The following DCAF7 variants were observed in gnomAD, a reference collection of about 807,000 sequenced individuals.
DCAF7 encodes DDB1 and CUL4 associated factor 7.
DCAF7 carries 4 observed loss-of-function variants against 41.2 expected under a neutral mutation model. That is an observed-to-expected ratio of 0.10 (90% confidence interval 0.05 to 0.22). DCAF7 has a LOEUF of 0.22. Among genes scored for constraint, DCAF7 ranks in the 10% least tolerant of loss-of-function variants. The pLI is 1.00. For synonymous variants in DCAF7, 143 were observed against 164.2 expected (o/e 0.87, Z 0.99); for missense variants, 131 against 443.2 (o/e 0.30, Z 6.32).
chr17:63,570,234 G>A (rs2033491002), intron 1 of DCAF7, among the ~76,000 whole-genome samples: 1 of 151,878 alleles, frequency 6.6e-6, no homozygotes. Context: ...CAGGCAGATT[G>A]CTTGAGCTCA....
chr17:63,564,580 G>A (rs1481439752), intron 1 of DCAF7, among the ~76,000 whole-genome samples: 1 of 152,192 alleles, frequency 6.6e-6, no homozygotes, highest in Non-Finnish European at 1.5e-5. Context: ...TCTGACTCAA[G>A]GACAGACCCA....
intron 2 of DCAF7, 44 bp from the exon 3 acceptor site, chr17:63,579,293 A>G (rs1173819373): frequency 3.0e-6 from 4 of 1,332,614 alleles, no homozygotes; most frequent in Non-Finnish European, 4.2e-6. Context: ...ACTTTTTATG[A>G]GGATAAGACT....
At chr17:63,566,934 A>G (rs1347380161) in intron 1 of DCAF7, among the ~76,000 whole-genome samples, 1 of 152,064 alleles carries the variant, frequency 6.6e-6, no homozygotes, top group African/African-American at 2.4e-5. Context: ...TGCAGAATAC[A>G]TTTTATGATG....
At chr17:63,569,411 G>A (rs1201314450) in intron 1 of DCAF7, among the ~76,000 whole-genome samples, 1 of 149,626 alleles carries the variant, frequency 6.7e-6, no homozygotes, top group Admixed American at 6.7e-5. Flanking sequence ...CTCATGCCCA[G>A]ACCTAGTAAA....
At chr17:63,578,679 G>A (rs933448562) in intron 2 of DCAF7, 51 bp downstream of exon 2, 17 of 1,610,862 alleles carry the variant, frequency 1.1e-5, no homozygotes, top group Non-Finnish European at 1.3e-5. Context: ...CTCAGCCTCA[G>A]CTGTTAGCAG....
chr17:63,588,878 G>A, intron 6 of DCAF7, 122 bp from the exon 7 acceptor site: 1 of 1,053,572 alleles, frequency 9.5e-7, no homozygotes, highest in African/African-American at 1.6e-5. Flanking sequence ...TAAAATGGGG[G>A]CTTAAAATAG....
At chr17:63,578,188 C>T (rs2033582780) in intron 1 of DCAF7, among the ~76,000 whole-genome samples, 1 of 151,954 alleles carries the variant, frequency 6.6e-6, no homozygotes, top group Admixed American at 6.6e-5. Context: ...ACATGTGAGG[C>T]CTTGTCTCTA....
intron 6 of DCAF7, 98 bp downstream of exon 6, chr17:63,585,426 C>T: frequency 9.0e-7 from 1 of 1,112,614 alleles, no homozygotes; most frequent in Non-Finnish European, 1.3e-6. Context: ...TAAGCACAGT[C>T]TTGAGAGATT....
intron 1 of DCAF7, among the ~76,000 whole-genome samples, chr17:63,568,060 G>A (rs1315895876): frequency 6.6e-6 from 1 of 152,000 alleles, no homozygotes; most frequent in African/African-American, 2.4e-5. Context: ...TCGCTCTGTT[G>A]CCCAGGCTGG....
At position 63,592,522 on chromosome 17, in the gene DCAF7, A is replaced by C. The variant is rs2033745661; in HGVS notation, c.*3350A>C. ...AAATTCAGAATCCTACAAGGTTTTGATGACAATTAGGGCCAAAATTTTAGG... is the reference window on the plus strand; with the variant it reads ...AAATTCAGAATCCTACAAGGTTTTGCTGACAATTAGGGCCAAAATTTTAGG... On this transcript the variant is annotated 3_prime_UTR_variant, in exon 7 of 7. Coordinates refer to ENST00000614556, the MANE Select transcript of DCAF7 (RefSeq NM_005828.5). 6.6e-6 allele frequency: 1 copy of C among 152,228 alleles called. No homozygotes were observed. Among genetic ancestry groups the C allele is most frequent in the African/African-American group, 2.4e-5 (1 of 41,456 alleles). The allele number at this position is 152,228 out of a possible 1,614,324, so 9.4% of individuals were successfully genotyped here.
chr17:63,578,767 G>A, intron 2 of DCAF7, 139 bp downstream of exon 2: 1 of 1,216,760 alleles, frequency 8.2e-7, no homozygotes, highest in Non-Finnish European at 1.2e-6. Context: ...AAGCTTAAAT[G>A]GACTGGCCTC....
At chr17:63,557,939 CAGGCTGGGTGCAG>C (rs1292593381) in intron 1 of DCAF7, among the ~76,000 whole-genome samples, 1 of 152,140 alleles carries the variant, frequency 6.6e-6, no homozygotes, top group Non-Finnish European at 1.5e-5. Context: ...CTCTGTTGCC[CAGGCTGGGTGCAG>C]AGGCATGATC....
chr17:63,559,457 A>ATATATT (rs1295241971), intron 1 of DCAF7, among the ~76,000 whole-genome samples: 17 of 137,608 alleles, frequency 1.2e-4, no homozygotes, highest in African/African-American at 4.7e-4. Flanking sequence ...ATATATATAT[A>ATATATT]TTTTTAATAA....
At chr17:63,583,338 T>C (rs1034096756) in intron 4 of DCAF7, among the ~76,000 whole-genome samples, 164 bp from the exon 5 acceptor site, 2 of 152,208 alleles carry the variant, frequency 1.3e-5, no homozygotes, top group African/African-American at 4.8e-5. Context: ...GCCACTGATA[T>C]TAGAGCTCTC....
chr17:63,561,196 C>G (rs1465135868), intron 1 of DCAF7, among the ~76,000 whole-genome samples: 1 of 151,990 alleles, frequency 6.6e-6, no homozygotes, highest in Non-Finnish European at 1.5e-5. Flanking sequence ...ACCCGGGAGG[C>G]GGAGGTTGCA....
chr17:63,579,218 A>T, intron 2 of DCAF7, 119 bp from the exon 3 acceptor site: 1 of 663,132 alleles, frequency 1.5e-6, no homozygotes, highest in Non-Finnish European at 2.6e-6. Flanking sequence ...TGTTTTTGAT[A>T]AAAATGTTTT....
intron 1 of DCAF7, among the ~76,000 whole-genome samples, chr17:63,559,349 GTA>G (rs1429106574): frequency 2.0e-5 from 2 of 100,242 alleles, no homozygotes; most frequent in African/African-American, 8.8e-5. Context: ...ATATATATAC[GTA>G]TATATATGTA....
intron 1 of DCAF7, among the ~76,000 whole-genome samples, chr17:63,560,501 G>A (rs772466759): frequency 2.0e-5 from 3 of 151,988 alleles, no homozygotes; most frequent in South Asian, 2.1e-4. Flanking sequence ...ATAAATATTC[G>A]GTGGAAAAAT....
chr17:63,565,256 T>A (rs1276819117), intron 1 of DCAF7, among the ~76,000 whole-genome samples: 2 of 152,088 alleles, frequency 1.3e-5, no homozygotes, highest in East Asian at 1.9e-4. Context: ...GTTTGGGTAG[T>A]GGGATGGGAC....
Sources: gnomAD v4.1 joint callset for allele counts (sites outside exome capture counted in the v4.1 genomes callset) on GRCh38, gnomAD v4.1.1 for gene constraint, MANE v1.5 for transcripts, NCBI Gene and HGNC (gene_info 2026-07-23, HGNC 2026-07-21) for gene names.